MRPL1: variants seen among roughly 807,000 people sequenced by gnomAD.
MRPL1 encodes the protein mitochondrial ribosomal protein L1.
MRPL1 carries 28 observed loss-of-function variants against 38.0 expected under a neutral mutation model. The ratio of observed to expected loss-of-function variants is 0.74; its 90% CI spans 0.55 to 1.01. The LOEUF (loss-of-function observed/expected upper bound fraction) is 1.01, where lower values mean the gene tolerates loss of function less well. MRPL1 is among the 50% of genes least tolerant of loss of function. MRPL1 has a pLI of 0.00. For missense variants in MRPL1, 358 were observed against 389.8 expected (o/e 0.92, Z 0.69); for synonymous variants, 123 against 126.7 (o/e 0.97, Z 0.20).
chr4:77,910,329 T>C (rs565868521), intron 7 of MRPL1, among the ~76,000 whole-genome samples: 5 of 152,300 alleles, frequency 3.3e-5, no homozygotes, highest in South Asian at 4.1e-4. Flanking sequence ...TTCTTTCTCT[T>C]TGCCTTCCCA....
intron 6 of MRPL1, among the ~76,000 whole-genome samples, chr4:77,900,571 T>C (rs996273477): frequency 6.6e-6 from 1 of 152,200 alleles, no homozygotes; most frequent in African/African-American, 2.4e-5. Flanking sequence ...AGAGAGCCAG[T>C]AGTGTTCAAG....
At chr4:77,875,652 A>G (rs539972988) in intron 2 of MRPL1, among the ~76,000 whole-genome samples, 1 of 152,234 alleles carries the variant, frequency 6.6e-6, no homozygotes, top group Non-Finnish European at 1.5e-5. Flanking sequence ...ACTCTGCCAA[A>G]AACAAAAAAA....
chr4:77,919,153 A>C (rs566994164), intron 7 of MRPL1, among the ~76,000 whole-genome samples: 1 of 152,340 alleles, frequency 6.6e-6, no homozygotes, highest in South Asian at 2.1e-4. Flanking sequence ...GAGACTTTGA[A>C]GTAATTTTCA....
In MRPL1 at chr4:77,949,829, T is replaced by A. The variant is rs1362592547; in HGVS notation, c.810T>A (p.Asn270Lys). 1 of 1,611,618 alleles carries A rather than the reference T, an allele frequency of 6.2e-7. No homozygotes were observed. Among genetic ancestry groups the A allele is most frequent in the South Asian group, 1.1e-5 (1 of 90,656 alleles). Residue 270 changes from asparagine (N) to lysine (K), a missense_variant, in exon 8 of 9, where the codon AAT (asparagine) becomes AAA (lysine). Physicochemically the swap from Asn to Lys is moderately conservative, Grantham distance 94 (BLOSUM62 0). Coordinates refer to ENST00000315567, the MANE Select transcript of MRPL1 (RefSeq NM_020236.4). ...LDMSSDQIAA[N>K]LQAVINEVCR... ...TGTCAAGTGACCAGATAGCTGCCAA[T>A]CTGCAAGCAGTTATTAATGAAGTTT...
At chr4:77,897,040 T>TC (rs1735931517) in intron 6 of MRPL1, among the ~76,000 whole-genome samples, 2 of 152,210 alleles carry the variant, frequency 1.3e-5, no homozygotes, top group Non-Finnish European at 1.5e-5. Context: ...AAATTAGCAT[T>TC]TAGAAACTAA....
intron 2 of MRPL1, among the ~76,000 whole-genome samples, chr4:77,877,431 T>A (rs1197949649): frequency 7.3e-6 from 1 of 137,268 alleles, no homozygotes; most frequent in African/African-American, 2.7e-5. Flanking sequence ...GCTGGGTTGC[T>A]GGAGGGTTTT....
rs71214375 is a variant in MRPL1, at chr4:77,886,789, C to CTTTTTTTT, written c.487-417_487-410dup. ...GCTCACTGCACCTGGTTTGCATTTT[C>CTTTTTTTT]TTTTTTTTTTTTTTTTTTTTTGAGA... On this transcript the variant is annotated intron_variant, in intron 4 of 8. Transcript: ENST00000315567. Among the ~76,000 whole-genome samples the CTTTTTTTT allele has an allele frequency of 4.4e-3, 398 of 90,380 alleles. 3 individuals carry two copies. Among genetic ancestry groups the CTTTTTTTT allele is most frequent in the Non-Finnish European group, 6.0e-3 (301 of 50,066 alleles). 59.3% of individuals were successfully genotyped at this position (90,380 alleles called of 152,430 possible). A position where few individuals can be genotyped will look rare whatever the true frequency, so the allele number is the denominator to read the frequency against.
At chr4:77,942,612 T>A (rs2110265786) in intron 7 of MRPL1, among the ~76,000 whole-genome samples, 1 of 152,336 alleles carries the variant, frequency 6.6e-6, no homozygotes, top group East Asian at 1.9e-4. Flanking sequence ...TGTCTTTATA[T>A]AATGTCAAAA....
intron 2 of MRPL1, among the ~76,000 whole-genome samples, chr4:77,882,921 G>A (rs1314965274): frequency 1.3e-5 from 2 of 152,196 alleles, no homozygotes; most frequent in Admixed American, 6.5e-5. Context: ...TGGATTGAAT[G>A]TCTTTTCTGT....
At position 77,865,833 on chromosome 4, in the gene MRPL1, G is replaced by C. The variant is rs1479523744; in HGVS notation, c.31+2954G>C. On this transcript the variant is annotated intron_variant, in intron 1 of 8. Transcript: ENST00000315567. ...TTTCTCTACAGTCTACTGTCAATGA[G>C]TAGTGAAATTCATCCTTTAAGGACC... Among the ~76,000 whole-genome samples the C allele has an allele frequency of 2.0e-5, 3 of 152,278 alleles. No individual in the cohort carries two copies. In the East Asian group the frequency reaches 5.8e-4, roughly 29 times the overall value.
Position 77,876,768 on chromosome 4 carries a change from C to G in MRPL1, c.143+4913C>G, listed in dbSNP as rs576131530. Among the ~76,000 whole-genome samples the G allele has an allele frequency of 2.0e-5, 3 of 152,286 alleles. No individual in the cohort carries two copies. In the East Asian group the frequency reaches 5.8e-4, roughly 29 times the overall value. ...TTGTCTGTCCTTTTGGCTCTCCCCT[C>G]TACCCTGTGTTGTGCAAGCATATAT... On this transcript the variant is annotated intron_variant, in intron 2 of 8. Transcript: ENST00000315567.
chr4:77,918,384 G>C (rs1736474947), intron 7 of MRPL1, among the ~76,000 whole-genome samples: 1 of 152,074 alleles, frequency 6.6e-6, no homozygotes, highest in Non-Finnish European at 1.5e-5. Flanking sequence ...AGGGATCAAG[G>C]TTTCCACCCC....
intron 1 of MRPL1, among the ~76,000 whole-genome samples, chr4:77,866,125 C>T (rs1735136989): frequency 6.6e-6 from 1 of 152,336 alleles, no homozygotes; most frequent in Non-Finnish European, 1.5e-5. Flanking sequence ...GATCTCGGCT[C>T]ACTGTAACCT....
intron 7 of MRPL1, among the ~76,000 whole-genome samples, chr4:77,931,859 G>A (rs1310675931): frequency 1.3e-5 from 2 of 151,830 alleles, no homozygotes; most frequent in Non-Finnish European, 2.9e-5. Context: ...TTTGCAGGAC[G>A]TCATTAAAAT....
At chr4:77,886,320 A>T (rs181083469) in intron 4 of MRPL1, among the ~76,000 whole-genome samples, 20 of 152,066 alleles carry the variant, frequency 1.3e-4, no homozygotes, top group Non-Finnish European at 2.5e-4. Flanking sequence ...GGTGCTAGCC[A>T]CTATATGGCA....
chr4:77,882,756 A>G (rs1383703222), intron 2 of MRPL1, among the ~76,000 whole-genome samples: 1 of 152,168 alleles, frequency 6.6e-6, no homozygotes, highest in Admixed American at 6.5e-5. Context: ...GGTTGTTTCT[A>G]CTTTTTGGCT....
intron 6 of MRPL1, among the ~76,000 whole-genome samples, chr4:77,897,135 C>CG (rs1388092788): frequency 1.3e-5 from 2 of 151,956 alleles, no homozygotes; most frequent in African/African-American, 4.8e-5. Context: ...GGTGCAGTCT[C>CG]GGCTCACTGC....
At chr4:77,898,291 A>G (rs1016525211) in intron 6 of MRPL1, among the ~76,000 whole-genome samples, 1 of 151,948 alleles carries the variant, frequency 6.6e-6, no homozygotes, top group Admixed American at 6.6e-5. Context: ...ATGTGTGTTC[A>G]GTGCCTCTCA....
chr4:77,931,647 C>G (rs1436256066), intron 7 of MRPL1, among the ~76,000 whole-genome samples: 3 of 152,218 alleles, frequency 2.0e-5, no homozygotes, highest in African/African-American at 7.2e-5. Flanking sequence ...CTATTCAAGT[C>G]TTTGAATGAT....
Sources: gnomAD v4.1 joint callset for allele counts (sites outside exome capture counted in the v4.1 genomes callset) on GRCh38, gnomAD v4.1.1 for gene constraint, MANE v1.5 for transcripts, NCBI Gene and HGNC (gene_info 2026-07-23, HGNC 2026-07-21) for gene names.